Variants in WDR44 observed in about 807,000 individuals in gnomAD.
WDR44 encodes the protein WD repeat domain 44.
WDR44 carries 9 observed loss-of-function variants against 65.7 expected under a neutral mutation model. The ratio of observed to expected loss-of-function variants is 0.14; its 90% CI spans 0.08 to 0.24. The LOEUF is 0.24. Among genes scored for constraint, WDR44 ranks in the 10% least tolerant of loss-of-function variants. The pLI is 1.00. For synonymous variants in WDR44, 220 were observed against 235.2 expected, an observed-to-expected ratio of 0.94 and a Z score of 0.59; for missense variants, 425 against 670.9, an observed-to-expected ratio of 0.63 and a Z score of 4.05.
chrX:118,367,085 CA>C (rs1227005307), intron 1 of WDR44, among the ~76,000 whole-genome samples: 1,898 of 73,893 alleles, frequency 0.026, 39 homozygotes, highest in African/African-American at 0.075. Context: ...GACTCCGTCT[CA>C]AAAAAAAAAA....
Position 118,346,477 on chromosome X carries a change from C to A in WDR44, c.-27C>A. The A allele has an allele frequency of 8.3e-7, 1 of 1,200,817 alleles. No homozygotes were observed. Among genetic ancestry groups the A allele is most frequent in the South Asian group, 1.8e-5 (1 of 56,660 alleles). On this transcript the variant is annotated 5_prime_UTR_variant, in exon 1 of 20. Coordinates refer to ENST00000254029, the MANE Select transcript of WDR44 (RefSeq NM_019045.5). ...CACCCTTCCTCCAGGCGGCGCCGGC[C>A]CCCTCACCCGCGGGTGTGTCCTATA...
At chrX:118,370,889 C>CTT (rs965239416) in intron 1 of WDR44, among the ~76,000 whole-genome samples, 13 of 102,105 alleles carry the variant, frequency 1.3e-4, no homozygotes, top group Admixed American at 5.3e-4. Flanking sequence ...GCCTAAACCT[C>CTT]TTTTTTTTTT....
chrX:118,366,994 G>A (rs755285940), intron 1 of WDR44, among the ~76,000 whole-genome samples: 1 of 110,327 alleles, frequency 9.1e-6, no homozygotes. Flanking sequence ...GCTGAGGCAG[G>A]AGAATGGCGT....
At chrX:118,408,377 A>G (rs1332857823) in intron 10 of WDR44, among the ~76,000 whole-genome samples, 1 of 101,431 alleles carries the variant, frequency 9.9e-6, no homozygotes, top group African/African-American at 3.9e-5. Context: ...ATGAGACCAC[A>G]CCACTCCAAT....
Position 118,393,224 on chromosome X carries a change from G to C in WDR44, c.779G>C (p.Arg260Thr). 8.3e-7 allele frequency: 1 copy of C among 1,199,006 alleles called. No individual in the cohort carries two copies. The highest frequency in any genetic ancestry group is 1.1e-6 in the Non-Finnish European group (1 of 892,190). Residue 260 changes from arginine to threonine, a missense_variant, in exon 4 of 20, where the codon AGG (arginine) becomes ACG (threonine). By Grantham distance (71) the Arg-to-Thr change is moderately conservative. Transcript: ENST00000254029. ...CGACCTGCTCCACCACCAAGAAAAA[G>C]GAAAAGCGAATTGGAATTTGAGACT... ...PSRPAPPPRK[R>T]KSELEFETLK...
intron 1 of WDR44, among the ~76,000 whole-genome samples, chrX:118,367,018 G>A (rs903516420): frequency 2.7e-5 from 3 of 110,086 alleles, no homozygotes; most frequent in South Asian, 3.8e-4. Flanking sequence ...CCTGGAAGGC[G>A]GAGCTTGCGG....
At chrX:118,372,587 TAAAA>T (rs1050138480) in intron 1 of WDR44, among the ~76,000 whole-genome samples, 1 of 105,514 alleles carries the variant, frequency 9.5e-6, no homozygotes, top group African/African-American at 3.4e-5. Flanking sequence ...AACAGTTCAA[TAAAA>T]AAAAAAGTGC....
At chrX:118,386,512 A>G (rs1257229632) in intron 2 of WDR44, 5 of 337,293 alleles carry the variant, frequency 1.5e-5, no homozygotes, top group Non-Finnish European at 2.8e-5. Context: ...TAGGGGCTTC[A>G]TTTAACTTCT....
chrX:118,430,431 A>C (rs1386069863), intron 12 of WDR44, among the ~76,000 whole-genome samples: 5 of 107,216 alleles, frequency 4.7e-5, no homozygotes, highest in Non-Finnish European at 9.6e-5. Context: ...AATCCCAGCT[A>C]CTCAGGAGGC....
chrX:118,352,318 TTATATATATATATATATATA>T (rs1234642278), intron 1 of WDR44, among the ~76,000 whole-genome samples: 2 of 16,866 alleles, frequency 1.2e-4, no homozygotes, highest in Non-Finnish European at 1.9e-4. Flanking sequence ...CCCAGCTAAT[TTATATATATATATATATATA>T]TATATATATA....
At chrX:118,434,233 T>C (rs2057235720) in intron 13 of WDR44, among the ~76,000 whole-genome samples, 1 of 112,210 alleles carries the variant, frequency 8.9e-6, no homozygotes, top group Admixed American at 9.5e-5. Context: ...AGCTACCTAA[T>C]TGTCTCAAGT....
chrX:118,363,780 A>G (rs1432922429), intron 1 of WDR44, among the ~76,000 whole-genome samples: 4 of 112,570 alleles, frequency 3.6e-5, no homozygotes, highest in African/African-American at 1.3e-4. Flanking sequence ...TCTAAAATAA[A>G]TCCAAAATCC....
At chrX:118,400,826 C>A (rs370747052) in intron 8 of WDR44, among the ~76,000 whole-genome samples, 10,922 of 100,251 alleles carry the variant, frequency 0.11, 649 homozygotes, top group Admixed American at 0.21. Flanking sequence ...CCACTCCCCC[C>A]ACCCCACCAC....
intron 14 of WDR44, among the ~76,000 whole-genome samples, chrX:118,437,431 TAG>T (rs1017188949): frequency 6.3e-5 from 7 of 111,701 alleles, no homozygotes; most frequent in African/African-American, 2.3e-4. Flanking sequence ...AAGGCTAAAT[TAG>T]TTACAGATTT....
intron 3 of WDR44, 35 bp from the exon 4 acceptor site, chrX:118,392,597 T>C: frequency 8.9e-7 from 1 of 1,128,407 alleles, no homozygotes; most frequent in South Asian, 2.1e-5. Flanking sequence ...ATAAATAGCT[T>C]CATTTTTAAA....
intron 10 of WDR44, 39 bp from the exon 11 acceptor site, chrX:118,409,450 T>G: frequency 1.7e-6 from 2 of 1,196,253 alleles, no homozygotes; most frequent in Non-Finnish European, 1.1e-6. Flanking sequence ...TCTCTAAAGG[T>G]GTAAAGTATT....
At chrX:118,437,034 ATCTT>A (rs1175158514) in intron 14 of WDR44, among the ~76,000 whole-genome samples, 1 of 112,107 alleles carries the variant, frequency 8.9e-6, no homozygotes, top group Non-Finnish European at 1.9e-5. Context: ...TATATCCTAA[ATCTT>A]TATTAAGACA....
intron 12 of WDR44, among the ~76,000 whole-genome samples, chrX:118,429,917 A>C (rs2057193596): frequency 9.0e-6 from 1 of 110,578 alleles, no homozygotes; most frequent in Non-Finnish European, 1.9e-5. Context: ...TGCTGGGATT[A>C]CAGGAGTGAA....
intron 12 of WDR44, among the ~76,000 whole-genome samples, chrX:118,423,074 A>G (rs180887500): frequency 1.8e-5 from 2 of 112,496 alleles, no homozygotes; most frequent in East Asian, 5.5e-4. Context: ...GTAAGTGAAC[A>G]AAAGAGACAA....
Sources: allele counts gnomAD v4.1 joint callset (sites outside exome capture counted in the v4.1 genomes callset), GRCh38; gene constraint gnomAD v4.1.1; transcripts MANE v1.5; gene names NCBI Gene and HGNC (gene_info 2026-07-23, HGNC 2026-07-21).